ITGA6: variants seen among roughly 807,000 people sequenced by gnomAD.
ITGA6 encodes the protein integrin subunit alpha 6, also known as integrin alpha-6.
In ITGA6, 63 loss-of-function variants were observed where a neutral mutation model predicts 133.6. The ratio of observed to expected loss-of-function variants is 0.47; its 90% CI spans 0.38 to 0.58. The LOEUF is 0.58. ITGA6 is among the 20% of genes least tolerant of loss of function. The pLI is 0.00. For missense variants in ITGA6, 1,068 were observed against 1,309.4 expected (o/e 0.82, Z 2.85); for synonymous variants, 434 against 482.0 (o/e 0.90, Z 1.30).
chr2:172,483,609 G>A (rs1452529962), intron 11 of ITGA6, among the ~76,000 whole-genome samples: 1 of 152,016 alleles, frequency 6.6e-6, no homozygotes, highest in East Asian at 1.9e-4. Context: ...AACAAAGAAT[G>A]CGTTCTGAAG....
chr2:172,490,732 CCA>C (rs1686885723), intron 20 of ITGA6: 1 of 358,524 alleles, frequency 2.8e-6, no homozygotes, highest in African/African-American at 2.1e-5. Context: ...CTCAGTATGC[CCA>C]CAGTTTGGTG....
At chr2:172,431,966 T>C (rs1684121799) in intron 1 of ITGA6, among the ~76,000 whole-genome samples, 1 of 152,194 alleles carries the variant, frequency 6.6e-6, no homozygotes, top group Non-Finnish European at 1.5e-5. Context: ...TTATATAGAC[T>C]CTCTTAGCAT....
rs561687291 is a variant in ITGA6 at position 172,446,371 on chromosome 2, T to C, written c.182+18401T>C. Among the ~76,000 whole-genome samples the C allele has an allele frequency of 2.2e-4, 33 of 152,378 alleles. No individual in the cohort carries two copies. In the South Asian group the frequency reaches 6.2e-3, roughly 29 times the overall value. Reference sequence around the variant, plus strand: ...AACAGGTTTTAAGACATGAATCTTATTTTTTGAGTTAACACTGATAATATT... The same window carrying C: ...AACAGGTTTTAAGACATGAATCTTACTTTTTGAGTTAACACTGATAATATT... On this transcript the variant is annotated intron_variant, in intron 1 of 25. Coordinates refer to ENST00000684293, the MANE Select transcript of ITGA6 (RefSeq NM_000210.4).
chr2:172,453,970 C>T (rs1331786059), intron 1 of ITGA6, among the ~76,000 whole-genome samples: 1 of 152,206 alleles, frequency 6.6e-6, no homozygotes, highest in South Asian at 2.1e-4. Context: ...CAAATGGTCT[C>T]ACACACAGTC....
At chr2:172,489,918 G>C (rs966422579) in intron 20 of ITGA6, 1 of 427,684 alleles carries the variant, frequency 2.3e-6, no homozygotes, top group African/African-American at 2.0e-5. Flanking sequence ...GTTTCATCAT[G>C]ACCCAGTATG....
Position 172,504,366 on chromosome 2 carries a change from A to G in ITGA6, c.*298A>G. The G allele has an allele frequency of 1.3e-6, 1 of 767,554 alleles. No homozygotes were observed. Among genetic ancestry groups the G allele is most frequent in the Non-Finnish European group, 2.1e-6 (1 of 479,672 alleles). The allele number at this position is 767,554 out of a possible 1,614,324, so 47.5% of individuals were successfully genotyped here. A position where few individuals can be genotyped will look rare whatever the true frequency, so the allele number is the denominator to read the frequency against. ...CCTGAGGACTGATTTCAGAGTGACTACACACAGTACGAACCTACAGTTTTA... is the reference window on the plus strand; with the variant it reads ...CCTGAGGACTGATTTCAGAGTGACTGCACACAGTACGAACCTACAGTTTTA... On this transcript the variant is annotated 3_prime_UTR_variant, in exon 26 of 26. Transcript: ENST00000684293.
rs201037158 is a variant in ITGA6 at position 172,474,990 on chromosome 2, G to T, written c.1048G>T (p.Ala350Ser). 9.5e-6 allele frequency: 15 copies of T among 1,582,938 alleles called. No individual in the cohort carries two copies. Among genetic ancestry groups the T allele is most frequent in the Non-Finnish European group, 1.3e-5 (15 of 1,151,652 alleles). ...YFDRDGEVGG[A>S]VYVYMNQQGR... ...TGATAGAGATGGAGAAGTTGGAGGT[G>T]CAGTGTATGTCTACATGAACCAGCA... Residue 350 changes from alanine to serine, a missense_variant, in exon 7 of 26, where the codon GCA (alanine) becomes TCA (serine). Transcript: ENST00000684293.
chr2:172,431,365 G>T (rs1281175330), intron 1 of ITGA6, among the ~76,000 whole-genome samples: 1 of 152,240 alleles, frequency 6.6e-6, no homozygotes, highest in Non-Finnish European at 1.5e-5. Flanking sequence ...CAGACCTAGA[G>T]AAATCGGCAA....
Position 172,486,176 on chromosome 2 carries a change from C to CAAAAAAAAAAAAA in ITGA6, c.1855-838_1855-826dup, listed in dbSNP as rs67271824. On this transcript the variant is annotated intron_variant, in intron 13 of 25. Transcript: ENST00000684293. ...GGCAAAAAGAGTAAGACTCTATCTC[C>CAAAAAAAAAAAAA]AAAAAAAAAAAAAAAAAAAAACAAC... Among the ~76,000 whole-genome samples, 56 of 77,304 alleles carry CAAAAAAAAAAAAA rather than the reference C, an allele frequency of 7.2e-4. 4 individuals are homozygous for CAAAAAAAAAAAAA. The East Asian group carries it at 0.018, about 26-fold the overall frequency. The allele number at this position is 77,304 out of a possible 152,430, so 50.7% of individuals were successfully genotyped here.
intron 8 of ITGA6, 152 bp from the exon 9 acceptor site, chr2:172,476,243 T>C (rs2149050303): frequency 2.4e-5 from 16 of 657,696 alleles, no homozygotes; most frequent in South Asian, 2.4e-4. Flanking sequence ...TGTTAGATCA[T>C]ATAGAAATTT....
Position 172,432,513 on chromosome 2 carries a change from G to A in ITGA6, c.182+4543G>A, listed in dbSNP as rs193238960. Among the ~76,000 whole-genome samples, 721 of 152,374 alleles carry A rather than the reference G, an allele frequency of 4.7e-3. 6 individuals are homozygous for A. Among genetic ancestry groups the A allele is most frequent in the Non-Finnish European group, 6.4e-3 (437 of 68,034 alleles). On this transcript the variant is annotated intron_variant, in intron 1 of 25. Coordinates refer to ENST00000684293, the MANE Select transcript of ITGA6 (RefSeq NM_000210.4). ...TGTGACATCAACTCTTCCTGCTGAG[G>A]GTGGAGAGAGGGAGAAATCCCTTTC...
At chr2:172,436,041 G>A (rs943072837) in intron 1 of ITGA6, among the ~76,000 whole-genome samples, 13 of 152,134 alleles carry the variant, frequency 8.5e-5, no homozygotes, top group African/African-American at 2.7e-4. Flanking sequence ...GTGAGTCCTC[G>A]TTACTGCTGG....
At chr2:172,470,405 T>C (rs1402571833) in intron 4 of ITGA6, among the ~76,000 whole-genome samples, 1 of 152,154 alleles carries the variant, frequency 6.6e-6, no homozygotes, top group Non-Finnish European at 1.5e-5. Context: ...ATGTATATTT[T>C]AATTCATGGA....
In ITGA6 at chr2:172,469,151, G is replaced by A; in HGVS notation, c.414G>A (p.Arg138=). The part of the protein sequence containing the change: ...VVTCAHRYEK[R]QHVNTKQESR... ...CATGTGCTCACCGATATGAAAAAAG[G>A]CAGCATGTTAATACGAAGCAGGAAT... Residue 138 remains arginine, a synonymous_variant, in exon 4 of 26, where the codon AGG becomes AGA. Coordinates refer to ENST00000684293, the MANE Select transcript of ITGA6 (RefSeq NM_000210.4). 3 of 1,614,114 alleles carry A rather than the reference G, an allele frequency of 1.9e-6. No homozygotes were observed. Among genetic ancestry groups the A allele is most frequent in the Non-Finnish European group, 2.5e-6 (3 of 1,179,994 alleles).
chr2:172,501,912 A>C lies in ITGA6; in HGVS notation c.*22+11A>C, dbSNP rs895663649. The C allele has an allele frequency of 1.0e-5, 16 of 1,607,780 alleles. No individual in the cohort carries two copies. The highest frequency in any genetic ancestry group is 1.4e-5 in the Non-Finnish European group (16 of 1,177,954). On this transcript the variant is annotated intron_variant, in intron 25 of 25. Coordinates refer to ENST00000684293, the MANE Select transcript of ITGA6 (RefSeq NM_000210.4). ...CTACTTCTGTAATTGGTAATTGATC[A>C]ATGTTTTTTAATTGCTAGCTGTGGG... is the stretch of plus-strand genomic sequence containing the variant.
chr2:172,427,573 G>C, upstream of ITGA6: 5 of 1,233,408 alleles, frequency 4.1e-6, no homozygotes, highest in Non-Finnish European at 5.1e-6. Context: ...ACGCCTGCGA[G>C]TCTCCAGAGA....
intron 1 of ITGA6, among the ~76,000 whole-genome samples, chr2:172,437,231 G>T (rs1165986539): frequency 6.6e-6 from 1 of 152,214 alleles, no homozygotes; most frequent in African/African-American, 2.4e-5. Flanking sequence ...ATTTTAAATG[G>T]ATTTCTCTGG....
intron 5 of ITGA6, 139 bp downstream of exon 5, chr2:172,471,244 A>G: frequency 1.1e-6 from 1 of 935,798 alleles, no homozygotes; most frequent in Non-Finnish European, 1.6e-6. Context: ...CTGGAATTTG[A>G]TAAGCTTGGT....
intron 1 of ITGA6, among the ~76,000 whole-genome samples, chr2:172,436,384 C>G (rs554734753): frequency 6.6e-6 from 1 of 152,242 alleles, no homozygotes; most frequent in South Asian, 2.1e-4. Flanking sequence ...AAGGCTTGCC[C>G]TATATTTAGA....
Sources: allele counts gnomAD v4.1 joint callset (sites outside exome capture counted in the v4.1 genomes callset), GRCh38; gene constraint gnomAD v4.1.1; transcripts MANE v1.5; gene names NCBI Gene and HGNC (gene_info 2026-07-23, HGNC 2026-07-21).